LRP1B: variants seen among roughly 807,000 people sequenced by gnomAD.
LRP1B encodes low-density lipoprotein receptor-related protein 1B.
Under a neutral mutation model 556.6 loss-of-function variants are expected in LRP1B, and 217 were observed. That is an observed-to-expected ratio of 0.39 (90% CI 0.35 to 0.44). The LOEUF is 0.44. Among genes scored for constraint, LRP1B ranks in the 20% least tolerant of loss-of-function variants. The pLI, the probability that LRP1B is intolerant of heterozygous loss-of-function variation, is 1.00. For missense variants in LRP1B, 5,053 were observed against 5,620.8 expected (o/e 0.90, Z 3.23); for synonymous variants, 2,047 against 1,865.8 (o/e 1.10, Z -2.50).
At chr2:140,335,194 G>GTATATATA (rs140882374) in intron 78 of LRP1B, among the ~76,000 whole-genome samples, 60 of 151,100 alleles carry the variant, frequency 4.0e-4, no homozygotes, top group Non-Finnish European at 6.2e-4. Flanking sequence ...GTGTGCATGT[G>GTATATATA]TATATATATA....
At chr2:141,847,492 A>G (rs909774975) in intron 1 of LRP1B, among the ~76,000 whole-genome samples, 2 of 151,592 alleles carry the variant, frequency 1.3e-5, no homozygotes, top group African/African-American at 2.4e-5. Context: ...GGCTGAAACA[A>G]CTTTGGAAAA....
At chr2:141,374,554 G>A (rs753781385) in intron 3 of LRP1B, among the ~76,000 whole-genome samples, 1 of 152,010 alleles carries the variant, frequency 6.6e-6, no homozygotes, top group African/African-American at 2.4e-5. Context: ...TGTCTTGAAG[G>A]CTTCATTCAT....
intron 86 of LRP1B, among the ~76,000 whole-genome samples, chr2:140,250,877 T>G (rs1277178119): frequency 6.6e-6 from 1 of 151,826 alleles, no homozygotes; most frequent in Non-Finnish European, 1.5e-5. Flanking sequence ...ATTCAATGTC[T>G]TATTGTGAGG....
chr2:140,488,788 A>G (rs1250675009), intron 57 of LRP1B, among the ~76,000 whole-genome samples: 2 of 152,008 alleles, frequency 1.3e-5, no homozygotes, highest in African/African-American at 4.8e-5. Context: ...CGTAAAGTTG[A>G]TGCTATGTCT....
intron 1 of LRP1B, among the ~76,000 whole-genome samples, chr2:142,020,744 G>A (rs1001228731): frequency 6.6e-6 from 1 of 152,140 alleles, no homozygotes; most frequent in Non-Finnish European, 1.5e-5. Context: ...CCTTCCCAGT[G>A]TGTGAATTCT....
In LRP1B at chr2:140,526,008, AC is replaced by A; in HGVS notation, c.7877-16del. 6.2e-7 allele frequency: 1 copy of A among 1,610,332 alleles called. No individual in the cohort carries two copies. Among genetic ancestry groups the A allele is most frequent in the African/African-American group, 1.3e-5 (1 of 74,770 alleles). Reference sequence around the variant, plus strand: ...GTCTGTGTTATCTAGAAGAAGGTAAACAAAAAATGAAAAAGTACCTCATTTT... The same window carrying A: ...GTCTGTGTTATCTAGAAGAAGGTAAAAAAAAATGAAAAAGTACCTCATTTT... On this transcript the variant is annotated splice_polypyrimidine_tract_variant and intron_variant, in intron 48 of 90. Coordinates refer to ENST00000389484, the MANE Select transcript of LRP1B (RefSeq NM_018557.3).
At chr2:140,799,537 T>C (rs1690431350) in intron 32 of LRP1B, among the ~76,000 whole-genome samples, 1 of 152,358 alleles carries the variant, frequency 6.6e-6, no homozygotes, top group East Asian at 1.9e-4. Context: ...ATTCCATTTT[T>C]AATTCCTGCA....
rs1445025351 is a variant in LRP1B, at chr2:140,255,812, G to T, written c.13248-8650C>A. ...CATGCTTTCACCTAATTATCAATCA[G>T]TCATTTCTCACTGAAAGGAACATTA... On this transcript the variant is annotated intron_variant, in intron 86 of 90. Transcript: ENST00000389484. Among the ~76,000 whole-genome samples, 4 of 152,152 alleles carry T rather than the reference G, an allele frequency of 2.6e-5. No individual in the cohort carries two copies. The East Asian group carries it at 7.7e-4, about 29-fold the overall frequency.
chr2:141,144,469 T>C lies in LRP1B; in HGVS notation c.1013+43952A>G, dbSNP rs1168853661. Among the ~76,000 whole-genome samples, 6 of 152,206 alleles carry C rather than the reference T, an allele frequency of 3.9e-5. No homozygotes were observed. In the East Asian group the frequency reaches 1.2e-3, roughly 29 times the overall value. ...TATCCTTAAGAAAAATTTTAGCATC[T>C]CTCATTGTTCCTTTCATTCAATACC... On this transcript the variant is annotated intron_variant, in intron 7 of 90. Transcript: ENST00000389484.
At chr2:140,951,770 C>G in intron 19 of LRP1B, 90 bp downstream of exon 19, 1 of 971,018 alleles carries the variant, frequency 1.0e-6, no homozygotes, top group Non-Finnish European at 1.6e-6. Flanking sequence ...GCAAGATTCC[C>G]CTACAAAGTA....
intron 2 of LRP1B, among the ~76,000 whole-genome samples, chr2:141,695,726 C>G (rs1691713729): frequency 6.6e-6 from 1 of 151,764 alleles, no homozygotes; most frequent in Non-Finnish European, 1.5e-5. Flanking sequence ...TAAAAAAAAC[C>G]CAAAAACCAG....
At chr2:140,720,305 GTATAA>G (rs1314087545) in intron 35 of LRP1B, among the ~76,000 whole-genome samples, 4 of 151,990 alleles carry the variant, frequency 2.6e-5, no homozygotes, top group East Asian at 3.9e-4. Context: ...ATTTGGTAAT[GTATAA>G]TATAATTACA....
intron 32 of LRP1B, among the ~76,000 whole-genome samples, chr2:140,785,556 T>A (rs1427426981): frequency 6.6e-6 from 1 of 152,110 alleles, no homozygotes; most frequent in African/African-American, 2.4e-5. Flanking sequence ...TTTTAGAATA[T>A]CAAAATCAAT....
intron 58 of LRP1B, among the ~76,000 whole-genome samples, chr2:140,487,074 C>T (rs1038901436): frequency 2.6e-5 from 4 of 151,612 alleles, no homozygotes; most frequent in African/African-American, 9.7e-5. Flanking sequence ...AAGATGGTAC[C>T]AAGTTGCTCA....
intron 6 of LRP1B, among the ~76,000 whole-genome samples, chr2:141,219,395 C>T (rs112236477): frequency 0.02 from 3,043 of 152,320 alleles, 41 homozygotes; most frequent in Middle Eastern, 0.034. Context: ...GCAGGGCCTC[C>T]CTGCAGGAAT....
intron 20 of LRP1B, among the ~76,000 whole-genome samples, chr2:140,924,121 G>GAT (rs1055991883): frequency 3.3e-5 from 5 of 151,890 alleles, no homozygotes; most frequent in East Asian, 1.9e-4. Flanking sequence ...AGCAGCAATT[G>GAT]ATATATATAA....
Position 140,274,465 on chromosome 2 carries a change from C to T in LRP1B, c.13101G>A (p.Gly4367=), listed in dbSNP as rs760239385. 7 of 1,612,332 alleles carry T rather than the reference C, an allele frequency of 4.3e-6. No homozygotes were observed. The Admixed American group carries it at 1.0e-4, about 23-fold the overall frequency. ...CACTGTCTTTATTTATAATGCAGTG[C>T]CCCCCATGGCACCTTACACACTTGT... ...EVDKCVRCHG[G]HCIINKDSED... Residue 4367 remains glycine (G), a synonymous_variant, in exon 85 of 91, where the codon GGG becomes GGA. Coordinates refer to ENST00000389484, the MANE Select transcript of LRP1B (RefSeq NM_018557.3).
chr2:140,231,512 C>T lies in LRP1B; in HGVS notation c.*1674G>A, dbSNP rs979815627. 1.3e-5 allele frequency: 2 copies of T among 151,588 alleles called. No homozygotes were observed. Among genetic ancestry groups the T allele is most frequent in the African/African-American group, 4.8e-5 (2 of 41,282 alleles). The allele number at this position is 151,588 out of a possible 1,614,324, so 9.4% of individuals were successfully genotyped here. On this transcript the variant is annotated 3_prime_UTR_variant, in exon 91 of 91. Coordinates refer to ENST00000389484, the MANE Select transcript of LRP1B (RefSeq NM_018557.3). ...CATTGTAGAAACATAGGCAAAATGA[C>T]TATATTATAACCAAAATGAAAAATA...
At chr2:141,748,903 C>G (rs1694006109) in intron 2 of LRP1B, among the ~76,000 whole-genome samples, 1 of 152,092 alleles carries the variant, frequency 6.6e-6, no homozygotes. Flanking sequence ...GAAACAGTGG[C>G]TTTTATAGCT....
Sources: gnomAD v4.1 joint callset for allele counts (sites outside exome capture counted in the v4.1 genomes callset) on GRCh38, gnomAD v4.1.1 for gene constraint, MANE v1.5 for transcripts, NCBI Gene and HGNC (gene_info 2026-07-23, HGNC 2026-07-21) for gene names.